ERI3: variants seen among roughly 807,000 people sequenced by gnomAD.
ERI3 encodes the protein ERI1 exoribonuclease family member 3, also known as ERI1 exoribonuclease 3.
ERI3 carries 18 observed loss-of-function variants against 44.4 expected under a neutral mutation model. The observed-to-expected ratio is 0.41, with a 90% CI of 0.28 to 0.60. The LOEUF (loss-of-function observed/expected upper bound fraction) is 0.60. Ranked by LOEUF, ERI3 falls within the 20% of genes least tolerant of loss-of-function variation. The pLI, the probability that ERI3 is intolerant of heterozygous loss-of-function variation, is 0.36. For missense variants in ERI3, 294 were observed against 435.5 expected (o/e 0.68, Z 2.89); for synonymous variants, 183 against 164.8 (o/e 1.11, Z -0.84).
chr1:44,327,093 C>G (rs1646331936), intron 3 of ERI3, among the ~76,000 whole-genome samples: 1 of 152,182 alleles, frequency 6.6e-6, no homozygotes, highest in African/African-American at 2.4e-5. Context: ...GTGAAGCTGA[C>G]CCTTCAAGGG....
At chr1:44,288,898 T>C (rs1048099530) in intron 6 of ERI3, among the ~76,000 whole-genome samples, 1 of 151,994 alleles carries the variant, frequency 6.6e-6, no homozygotes, top group Non-Finnish European at 1.5e-5. Context: ...TGTACATTCC[T>C]ACCAGATTGT....
At position 44,239,023 on chromosome 1, in the gene ERI3, C is replaced by T. The variant is rs575716798; in HGVS notation, c.931+8916G>A. Among the ~76,000 whole-genome samples the T allele has an allele frequency of 1.8e-4, 26 of 142,980 alleles. 2 individuals carry two copies. The East Asian group carries it at 5.7e-3, about 31-fold the overall frequency. 93.8% of individuals were successfully genotyped at this position (142,980 alleles called of 152,430 possible). ...GCTCCCACCCTCCCTCTCCCCACTGCTGCCCCCTCCCCCCCCCAATCCAGC... is the reference window on the plus strand; with the variant it reads ...GCTCCCACCCTCCCTCTCCCCACTGTTGCCCCCTCCCCCCCCCAATCCAGC... On this transcript the variant is annotated intron_variant, in intron 8 of 8. Transcript: ENST00000372257.
At chr1:44,229,617 C>T (rs1025864648) in intron 8 of ERI3, among the ~76,000 whole-genome samples, 4 of 152,180 alleles carry the variant, frequency 2.6e-5, no homozygotes, top group African/African-American at 4.8e-5. Context: ...AAAAACCATC[C>T]GTCACCATCA....
At chr1:44,225,498 T>G (rs1034588086) in intron 8 of ERI3, among the ~76,000 whole-genome samples, 7 of 152,196 alleles carry the variant, frequency 4.6e-5, no homozygotes, top group South Asian at 4.1e-4. Context: ...TCTTCTTTTT[T>G]GGGGCATTAA....
At chr1:44,243,754 G>A (rs1167429224) in intron 8 of ERI3, 4 of 152,246 alleles carry the variant, frequency 2.6e-5, no homozygotes, top group African/African-American at 4.8e-5. Context: ...TGCTGCTACC[G>A]AAGGTCTGTT....
chr1:44,294,164 C>T (rs913986500), intron 6 of ERI3, among the ~76,000 whole-genome samples: 2 of 152,206 alleles, frequency 1.3e-5, no homozygotes, highest in Admixed American at 1.3e-4. Flanking sequence ...CTGGGTCTGG[C>T]GGCACAGCTG....
Position 44,236,695 on chromosome 1 carries a change from C to T in ERI3, c.931+11244G>A, listed in dbSNP as rs1644313188. Among the ~76,000 whole-genome samples, 3 of 151,876 alleles carry T rather than the reference C, an allele frequency of 2.0e-5. No individual in the cohort carries two copies. The South Asian group carries it at 6.2e-4, about 32-fold the overall frequency. On this transcript the variant is annotated intron_variant, in intron 8 of 8. Coordinates refer to ENST00000372257, the MANE Select transcript of ERI3 (RefSeq NM_024066.3). ...CAGGAGGAGAGTGGCTTAAGGGGGG[C>T]AGGAGAGGGCAGCAGAGGACAGAGG...
chr1:44,261,454 G>T (rs531266415), intron 7 of ERI3, among the ~76,000 whole-genome samples: 2 of 152,374 alleles, frequency 1.3e-5, no homozygotes, highest in South Asian at 4.1e-4. Flanking sequence ...CCTTCACAGT[G>T]TGATAAATAG....
chr1:44,257,254 CTATAAT>C (rs1397048417), intron 7 of ERI3, among the ~76,000 whole-genome samples: 2 of 152,112 alleles, frequency 1.3e-5, no homozygotes, highest in African/African-American at 4.8e-5. Flanking sequence ...TATTACATCT[CTATAAT>C]TAACAACAGG....
intron 7 of ERI3, among the ~76,000 whole-genome samples, chr1:44,282,649 C>T (rs1645312664): frequency 6.6e-6 from 1 of 152,192 alleles, no homozygotes; most frequent in Admixed American, 6.5e-5. Flanking sequence ...AAGGACTGAG[C>T]TAAAGTCCAG....
At chr1:44,237,972 C>T (rs1048283374) in intron 8 of ERI3, among the ~76,000 whole-genome samples, 13 of 152,058 alleles carry the variant, frequency 8.5e-5, no homozygotes, top group African/African-American at 2.9e-4. Flanking sequence ...GGCCCTCTTA[C>T]CCTGGCCTTA....
intron 2 of ERI3, among the ~76,000 whole-genome samples, chr1:44,343,387 T>C (rs927133734): frequency 2.0e-5 from 3 of 152,178 alleles, no homozygotes; most frequent in Middle Eastern, 3.2e-3. Context: ...CTTAATCAAG[T>C]GATCAAAGTG....
intron 6 of ERI3, among the ~76,000 whole-genome samples, chr1:44,295,587 G>A (rs1342790561): frequency 6.6e-6 from 1 of 152,156 alleles, no homozygotes; most frequent in Admixed American, 6.5e-5. Flanking sequence ...TTTCCAACAG[G>A]ATTCCTTGGG....
intron 2 of ERI3, among the ~76,000 whole-genome samples, chr1:44,347,476 T>C (rs1159594617): frequency 6.6e-6 from 1 of 152,162 alleles, no homozygotes; most frequent in Non-Finnish European, 1.5e-5. Context: ...TTTTACAAAT[T>C]TGTGCTTTGG....
intron 2 of ERI3, 143 bp downstream of exon 2, chr1:44,352,707 C>G: frequency 1.2e-6 from 1 of 835,498 alleles, no homozygotes; most frequent in South Asian, 1.8e-5. Flanking sequence ...TCAGAAGAAG[C>G]TACAAAAAAA....
chr1:44,319,083 C>T lies in ERI3; in HGVS notation c.606+545G>A, dbSNP rs1217685813. On this transcript the variant is annotated intron_variant, in intron 4 of 8. Transcript: ENST00000372257. Reference sequence around the variant, plus strand: ...AACCTGCTGACAAGGAGGCCAAGTACAGTACCCACCTAGGATAAGCAGATT... The same window carrying T: ...AACCTGCTGACAAGGAGGCCAAGTATAGTACCCACCTAGGATAAGCAGATT... Among the ~76,000 whole-genome samples the T allele has an allele frequency of 6.6e-5, 10 of 152,326 alleles. No individual in the cohort carries two copies. In the South Asian group the frequency reaches 2.1e-3, roughly 32 times the overall value.
chr1:44,277,504 C>T (rs1645202983), intron 7 of ERI3, among the ~76,000 whole-genome samples: 1 of 152,216 alleles, frequency 6.6e-6, no homozygotes, highest in Admixed American at 6.5e-5. Context: ...CTCCTCATTT[C>T]TCATTTACTC....
intron 3 of ERI3, among the ~76,000 whole-genome samples, chr1:44,324,476 C>CTTTTTTTTT (rs35475844): frequency 4.4e-5 from 4 of 90,432 alleles, no homozygotes; most frequent in Admixed American, 1.4e-4. Flanking sequence ...AACATAGACT[C>CTTTTTTTTT]TTTTTTTTTT....
chr1:44,338,399 A>G (rs1646578275), intron 3 of ERI3, among the ~76,000 whole-genome samples: 1 of 152,160 alleles, frequency 6.6e-6, no homozygotes, highest in Non-Finnish European at 1.5e-5. Flanking sequence ...CTTCTAAGAT[A>G]GCTCATTCTC....
Sources: gnomAD v4.1 joint callset for allele counts (sites outside exome capture counted in the v4.1 genomes callset) on GRCh38, gnomAD v4.1.1 for gene constraint, MANE v1.5 for transcripts, NCBI Gene and HGNC (gene_info 2026-07-23, HGNC 2026-07-21) for gene names.